ANKRD11: variants seen among roughly 807,000 people sequenced by gnomAD.
ANKRD11 encodes ankyrin repeat domain-containing protein 11.
ANKRD11 carries 17 observed loss-of-function variants against 195.7 expected under a neutral mutation model. The ratio of observed to expected loss-of-function variants is 0.09; its 90% CI spans 0.06 to 0.13. The LOEUF (loss-of-function observed/expected upper bound fraction) is 0.13, where lower values mean the gene tolerates loss of function less well. ANKRD11 is among the 10% of genes least tolerant of loss of function. The pLI, the probability that ANKRD11 is intolerant of heterozygous loss-of-function variation, is 1.00. For synonymous variants in ANKRD11, 1,953 were observed against 1,528.1 expected (o/e 1.28, Z -6.49); for missense variants, 3,735 against 3,566.1 (o/e 1.05, Z -1.21).
At position 89,285,956 on chromosome 16, in the gene ANKRD11, G is replaced by A; in HGVS notation, c.892+83C>T. 6.2e-7 allele frequency: 1 copy of A among 1,603,834 alleles called. No homozygotes were observed. Among genetic ancestry groups the A allele is most frequent in the Admixed American group, 1.7e-5 (1 of 60,006 alleles). Reference sequence around the variant, plus strand: ...AGCATCCGAGGAGGAGCTGATCAGAGGGGCAACACTGTGCAAACACCACAG... The same window carrying A: ...AGCATCCGAGGAGGAGCTGATCAGAAGGGCAACACTGTGCAAACACCACAG... On this transcript the variant is annotated intron_variant, in intron 8 of 12. Transcript: ENST00000301030. The surrounding 1 kb of genome is among the most constrained non-coding windows in gnomAD (Gnocchi z 5.6).
chr16:89,474,496 C>A (rs539773708), intron 1 of ANKRD11, among the ~76,000 whole-genome samples: 1 of 151,796 alleles, frequency 6.6e-6, no homozygotes, highest in East Asian at 1.9e-4. Context: ...CAGAAATATA[C>A]CCCCACACAT....
Position 89,281,539 on chromosome 16 carries a change from A to G in ANKRD11, c.5003T>C (p.Leu1668Pro). ...TPIPPAAENK[L>P]HPASGADSKD... Reference sequence around the variant, plus strand: ...GGAGTCTGCACCTGATGCTGGGTGTAGCTTATTTTCCGCGGCAGGTGGAAT... The same window carrying G: ...GGAGTCTGCACCTGATGCTGGGTGTGGCTTATTTTCCGCGGCAGGTGGAAT... Residue 1668 changes from leucine (L) to proline (P), a missense_variant, in exon 9 of 13, where the codon CTA (leucine) becomes CCA (proline). Coordinates refer to ENST00000301030, the MANE Select transcript of ANKRD11 (RefSeq NM_013275.6). The surrounding 1 kb of genome is among the most constrained non-coding windows in gnomAD (Gnocchi z 5.5). 1 of 1,614,104 alleles carries G rather than the reference A, an allele frequency of 6.2e-7. No individual in the cohort carries two copies. The highest frequency in any genetic ancestry group is 8.5e-7 in the Non-Finnish European group (1 of 1,180,018).
At position 89,342,502 on chromosome 16, in the gene ANKRD11, G is replaced by A. The variant is rs918641395; in HGVS notation, c.-59-25424C>T. Reference sequence around the variant, plus strand: ...GCGTGAGGAGGAACGGGCAGGGAGAGGCCAGCGTGAACTCGCTGCGGCCTG... The same window carrying A: ...GCGTGAGGAGGAACGGGCAGGGAGAAGCCAGCGTGAACTCGCTGCGGCCTG... On this transcript the variant is annotated intron_variant, in intron 2 of 12. Transcript: ENST00000301030. Among the ~76,000 whole-genome samples, 140 of 152,344 alleles carry A rather than the reference G, an allele frequency of 9.2e-4. 1 individual carries two copies. The highest frequency in any genetic ancestry group is 3.9e-4 in the East Asian group (2 of 5,188).
rs967690427 is a variant in ANKRD11, at chr16:89,279,237, G to A, written c.7305C>T (p.Ala2435=). ...TCTGCAGGTATTCGAAGTAGGGGTT[G>A]GCCCTGTCGCTGTGGTAGGGCTCGA... ...DAIEPYHSDR[A]NPYFEYLQIR... Residue 2435 remains alanine, a synonymous_variant, in exon 9 of 13, where the codon GCC becomes GCT. Transcript: ENST00000301030. This position sits in a 1 kb window ranked among gnomAD's most constrained non-coding sequence, Gnocchi z 5.6. 1 of 1,611,978 alleles carries A rather than the reference G, an allele frequency of 6.2e-7. No individual in the cohort carries two copies. The highest frequency in any genetic ancestry group is 8.5e-7 in the Non-Finnish European group (1 of 1,179,728).
intron 1 of ANKRD11, among the ~76,000 whole-genome samples, chr16:89,447,623 G>A (rs1261767856): frequency 6.6e-6 from 1 of 152,006 alleles, no homozygotes; most frequent in East Asian, 1.9e-4. Context: ...CATTCCACCT[G>A]TTCTCACTCC....
intron 4 of ANKRD11, 103 bp downstream of exon 4, chr16:89,305,103 G>C (rs768176274): frequency 1.3e-6 from 2 of 1,519,790 alleles, no homozygotes; most frequent in Middle Eastern, 2.4e-4. Flanking sequence ...GCTAGAGTGC[G>C]TCCCAGTGCA....
rs1225343266 is a variant in ANKRD11, at chr16:89,323,350, C to A, written c.-59-6272G>T. Reference sequence around the variant, plus strand: ...CAATCCCAGGTATGGAAGAGAAGCACCACTGGCCTCTCACCTCTCACCATC... The same window carrying A: ...CAATCCCAGGTATGGAAGAGAAGCAACACTGGCCTCTCACCTCTCACCATC... On this transcript the variant is annotated intron_variant, in intron 2 of 12. Coordinates refer to ENST00000301030, the MANE Select transcript of ANKRD11 (RefSeq NM_013275.6). 2.3e-6 allele frequency: 3 copies of A among 1,288,410 alleles called. No individual in the cohort carries two copies. In the South Asian group the frequency reaches 3.7e-5, roughly 16 times the overall value. The allele number at this position is 1,288,410 out of a possible 1,614,324, so 79.8% of individuals were successfully genotyped here.
chr16:89,423,519 T>G (rs2042597055), intron 1 of ANKRD11, among the ~76,000 whole-genome samples: 1 of 152,210 alleles, frequency 6.6e-6, no homozygotes, highest in Non-Finnish European at 1.5e-5. Context: ...TTTCAGTAAC[T>G]TCAAATACAT....
intron 1 of ANKRD11, among the ~76,000 whole-genome samples, chr16:89,426,003 C>G (rs1052654023): frequency 6.6e-5 from 10 of 152,114 alleles, no homozygotes; most frequent in Non-Finnish European, 2.9e-5. Flanking sequence ...TTCACACAAC[C>G]GTTCTTCCCT....
intron 1 of ANKRD11, among the ~76,000 whole-genome samples, chr16:89,475,460 C>G (rs1288862018): frequency 1.3e-5 from 2 of 152,164 alleles, no homozygotes; most frequent in Admixed American, 6.5e-5. Context: ...AGCAGTTTCA[C>G]ATGAAAATTA....
At position 89,346,242 on chromosome 16, in the gene ANKRD11, C is replaced by T. The variant is rs1160582344; in HGVS notation, c.-59-29164G>A. On this transcript the variant is annotated intron_variant, in intron 2 of 12. Coordinates refer to ENST00000301030, the MANE Select transcript of ANKRD11 (RefSeq NM_013275.6). ...CAGCCTGGGCGACAGAGGGAGACCC[C>T]GTCTCAGGAAAAAAAAAAAAAAAAA... Among the ~76,000 whole-genome samples the T allele has an allele frequency of 3.8e-5, 5 of 131,214 alleles. No individual in the cohort carries two copies. In the Admixed American group the frequency reaches 4.0e-4, roughly 11 times the overall value. The allele number at this position is 131,214 out of a possible 152,430, so 86.1% of individuals were successfully genotyped here.
rs1024078594 is a variant in ANKRD11, at chr16:89,280,097, C to T, written c.6445G>A (p.Ala2149Thr). The T allele has an allele frequency of 1.2e-6, 2 of 1,613,090 alleles. No homozygotes were observed. Among genetic ancestry groups the T allele is most frequent in the Admixed American group, 1.7e-5 (1 of 60,018 alleles). ...TCCACGGGTTCCGCTTCACCATCTG[C>T]GGCATCTTTAGTCTGCAGGGGAAGC... Reference protein sequence around the residue: ...PELPLQTKDAADGEAEPVEES... With the variant: ...PELPLQTKDATDGEAEPVEES... The change falls in exon 9 of 13, where the codon GCA becomes ACA. Residue 2149 changes from alanine to threonine, a missense_variant. Ala to Thr is a moderately conservative substitution (Grantham distance 58). Coordinates refer to ENST00000301030, the MANE Select transcript of ANKRD11 (RefSeq NM_013275.6).
chr16:89,460,562 A>C (rs1426348423), intron 1 of ANKRD11, among the ~76,000 whole-genome samples: 4 of 152,108 alleles, frequency 2.6e-5, no homozygotes, highest in African/African-American at 9.7e-5. Flanking sequence ...CTGTCTCAAA[A>C]ACAAAACAAA....
intron 2 of ANKRD11, among the ~76,000 whole-genome samples, chr16:89,387,093 A>G (rs1017184183): frequency 6.6e-6 from 1 of 152,122 alleles, no homozygotes; most frequent in Non-Finnish European, 1.5e-5. Context: ...AGTGACATGG[A>G]GGAGGTGTCT....
At chr16:89,300,535 G>T (rs1270166691) in intron 4 of ANKRD11, 3 of 253,562 alleles carry the variant, frequency 1.2e-5, no homozygotes. Flanking sequence ...GGTGGGAGAA[G>T]CCTCTTCAAC....
chr16:89,286,777 C>T (rs1567585813), intron 7 of ANKRD11: 1 of 1,287,240 alleles, frequency 7.8e-7, no homozygotes, highest in Middle Eastern at 3.3e-4. Context: ...CATGGTGACA[C>T]AGCTCTTTTC....
intron 2 of ANKRD11, among the ~76,000 whole-genome samples, chr16:89,342,898 T>C (rs2029915091): frequency 6.6e-6 from 1 of 152,190 alleles, no homozygotes. Context: ...CGGAGGTGAA[T>C]GAAAAGAAGG....
At chr16:89,425,498 C>T (rs1040811620) in intron 1 of ANKRD11, among the ~76,000 whole-genome samples, 1 of 152,202 alleles carries the variant, frequency 6.6e-6, no homozygotes, top group East Asian at 1.9e-4. Context: ...CAATTGGATT[C>T]CACTCCCACA....
At position 89,445,326 on chromosome 16, in the gene ANKRD11, C is replaced by T. The variant is rs150961851; in HGVS notation, c.-144-26958G>A. On this transcript the variant is annotated intron_variant, in intron 1 of 12. Transcript: ENST00000301030. Reference sequence around the variant, plus strand: ...AACCCTAGTTCAACCACTGCTCAGCCGTTTCGAACCACTGGCTGAGCAAAT... The same window carrying T: ...AACCCTAGTTCAACCACTGCTCAGCTGTTTCGAACCACTGGCTGAGCAAAT... 7.2e-5 allele frequency among the ~76,000 whole-genome samples: 11 copies of T among 152,292 alleles called. No homozygotes were observed. In the East Asian group the frequency reaches 1.5e-3, roughly 21 times the overall value.
Sources: allele counts gnomAD v4.1 joint callset (sites outside exome capture counted in the v4.1 genomes callset), GRCh38; gene constraint gnomAD v4.1.1; non-coding constraint Gnocchi (gnomAD v3.1); transcripts MANE v1.5; gene names NCBI Gene and HGNC (gene_info 2026-07-23, HGNC 2026-07-21).